The following PRKN variants were observed in gnomAD, a reference collection of about 807,000 sequenced individuals.
PRKN encodes parkin RBR E3 ubiquitin protein ligase, also known as E3 ubiquitin-protein ligase parkin.
Under a neutral mutation model 59.5 loss-of-function variants are expected in PRKN, and 56 were observed. The ratio of observed to expected loss-of-function variants is 0.94; its 90% CI spans 0.76 to 1.18. The LOEUF (loss-of-function observed/expected upper bound fraction) is 1.18. PRKN is among the 50% of genes most tolerant of loss of function. The pLI is 0.00. For synonymous variants in PRKN, 250 were observed against 222.1 expected, an observed-to-expected ratio of 1.13 and a Z score of -1.12; for missense variants, 657 against 596.4, an observed-to-expected ratio of 1.10 and a Z score of -1.06.
intron 1 of PRKN, among the ~76,000 whole-genome samples, chr6:162,692,697 G>A (rs1305123027): frequency 1.3e-5 from 2 of 152,126 alleles, no homozygotes; most frequent in African/African-American, 2.4e-5. Flanking sequence ...ACCAGGACAG[G>A]ACAACCAGAA....
intron 7 of PRKN, among the ~76,000 whole-genome samples, chr6:161,734,855 A>G (rs897595059): frequency 2.6e-5 from 4 of 152,264 alleles, no homozygotes; most frequent in African/African-American, 4.8e-5. Flanking sequence ...ATTTGCCTAT[A>G]TCACAATGAT....
In PRKN at chr6:161,440,196, G is replaced by A. The variant is rs1205485933; in HGVS notation, c.1084-53319C>T. Among the ~76,000 whole-genome samples the A allele has an allele frequency of 6.6e-6, 1 of 151,870 alleles. No individual in the cohort carries two copies. Among genetic ancestry groups the A allele is most frequent in the Non-Finnish European group, 1.5e-5 (1 of 67,986 alleles). ...TCTCCATCTCCTGACCTCGTGATCC[G>A]CCCGTCTCGGCCTCCCAAAGTGCTG... is the stretch of plus-strand genomic sequence containing the variant. On this transcript the variant is annotated intron_variant, in intron 9 of 11. Transcript: ENST00000366898. This position sits in a 1 kb window ranked among gnomAD's most constrained non-coding sequence, Gnocchi z 4.1.
rs1784436683 is a variant in PRKN, at chr6:161,349,427, T to G, written c.*672A>C. ...CAAATTAACTTTCATAATTTCTCAC[T>G]TTGTGACAAGTTGATTTACGCATAG... On this transcript the variant is annotated 3_prime_UTR_variant, in exon 12 of 12. Coordinates refer to ENST00000366898, the MANE Select transcript of PRKN (RefSeq NM_004562.3). This position sits in a 1 kb window ranked among gnomAD's most constrained non-coding sequence, Gnocchi z 5.5. The G allele has an allele frequency of 4.3e-6, 1 of 231,902 alleles. No homozygotes were observed. Among genetic ancestry groups the G allele is most frequent in the African/African-American group, 2.2e-5 (1 of 45,304 alleles). 14.4% of individuals were successfully genotyped at this position (231,902 alleles called of 1,614,324 possible).
chr6:161,922,223 A>C (rs1297243713), intron 6 of PRKN, among the ~76,000 whole-genome samples: 1 of 152,168 alleles, frequency 6.6e-6, no homozygotes, highest in African/African-American at 2.4e-5. Flanking sequence ...AGAAGGCCTC[A>C]CTTCTCTTCC....
rs1366239569 is a variant in PRKN, at chr6:161,388,529, G to A, written c.1084-1652C>T. 6.6e-6 allele frequency among the ~76,000 whole-genome samples: 1 copy of A among 152,182 alleles called. No individual in the cohort carries two copies. The highest frequency in any genetic ancestry group is 2.4e-5 in the African/African-American group (1 of 41,438). ...TCCACAAGTATGGTGTGTGGATGAT[G>A]GTGGTGGTCTTAGAGCATAGAGGCA... On this transcript the variant is annotated intron_variant, in intron 9 of 11. Coordinates refer to ENST00000366898, the MANE Select transcript of PRKN (RefSeq NM_004562.3). This position sits in a 1 kb window ranked among gnomAD's most constrained non-coding sequence, Gnocchi z 4.3.
intron 3 of PRKN, among the ~76,000 whole-genome samples, chr6:162,255,075 A>T (rs1018448375): frequency 6.9e-6 from 1 of 145,940 alleles, no homozygotes; most frequent in Non-Finnish European, 1.5e-5. Context: ...AGAGATTCAT[A>T]CAAAAATAAA....
At chr6:162,712,525 T>C (rs967579972) in intron 1 of PRKN, among the ~76,000 whole-genome samples, 1 of 152,204 alleles carries the variant, frequency 6.6e-6, no homozygotes, top group African/African-American at 2.4e-5. Flanking sequence ...GTAAATATCA[T>C]GACGCTTATA....
intron 1 of PRKN, among the ~76,000 whole-genome samples, chr6:162,455,226 C>T (rs1421198267): frequency 1.3e-5 from 2 of 152,140 alleles, no homozygotes. Flanking sequence ...CTTACCTAAC[C>T]ATCCATCTGT....
intron 6 of PRKN, among the ~76,000 whole-genome samples, chr6:161,879,722 T>C (rs1317903998): frequency 6.6e-6 from 1 of 152,214 alleles, no homozygotes; most frequent in East Asian, 1.9e-4. Context: ...TTTTTTAATG[T>C]TAGAAACTTG....
chr6:162,017,464 T>G (rs543380080), intron 5 of PRKN, among the ~76,000 whole-genome samples: 1 of 152,192 alleles, frequency 6.6e-6, no homozygotes, highest in Non-Finnish European at 1.5e-5. Flanking sequence ...ATTATGTTCA[T>G]GTCATAAATA....
At chr6:161,895,994 G>A (rs73785464) in intron 6 of PRKN, among the ~76,000 whole-genome samples, 2,713 of 152,230 alleles carry the variant, frequency 0.018, 86 homozygotes, top group African/African-American at 0.061. Flanking sequence ...AAGCTAAGGG[G>A]CTAGAGACCA....
chr6:162,403,391 C>T (rs188738322), intron 2 of PRKN, among the ~76,000 whole-genome samples: 176 of 152,240 alleles, frequency 1.2e-3, no homozygotes, highest in Non-Finnish European at 1.9e-3. Flanking sequence ...TCAAAGAGGT[C>T]GACCACTCCG....
intron 8 of PRKN, among the ~76,000 whole-genome samples, chr6:161,556,437 A>C (rs1277120083): frequency 6.6e-6 from 1 of 152,222 alleles, no homozygotes; most frequent in Non-Finnish European, 1.5e-5. Context: ...ATACTAAGGA[A>C]ATAATTTAGT....
chr6:161,550,170 G>A lies in PRKN; in HGVS notation c.934-1167C>T, dbSNP rs1398018268. Among the ~76,000 whole-genome samples, 12 of 152,206 alleles carry A rather than the reference G, an allele frequency of 7.9e-5. No homozygotes were observed. Among genetic ancestry groups the A allele is most frequent in the Admixed American group, 7.2e-4 (11 of 15,288 alleles). On this transcript the variant is annotated intron_variant, in intron 8 of 11. Coordinates refer to ENST00000366898, the MANE Select transcript of PRKN (RefSeq NM_004562.3). This position sits in a 1 kb window ranked among gnomAD's most constrained non-coding sequence, Gnocchi z 4.0. ...CCCCAGTGTGCTGATGTGGTTGGCT[G>A]TTCAGGGTACAACAAGGGGGGCAGT...
Position 162,196,751 on chromosome 6 carries a change from C to T in PRKN, c.534+4380G>A, listed in dbSNP as rs189072414. On this transcript the variant is annotated intron_variant, in intron 4 of 11. Coordinates refer to ENST00000366898, the MANE Select transcript of PRKN (RefSeq NM_004562.3). ...CAAAATTAACTATCCATTTCCTTTACAATTTGTTAGAGTATCATATTAAAT... is the reference window on the plus strand; with the variant it reads ...CAAAATTAACTATCCATTTCCTTTATAATTTGTTAGAGTATCATATTAAAT... 1.7e-3 allele frequency among the ~76,000 whole-genome samples: 258 copies of T among 152,266 alleles called. 1 individual carries two copies. The highest frequency in any genetic ancestry group is 5.7e-3 in the African/African-American group (238 of 41,556).
intron 7 of PRKN, among the ~76,000 whole-genome samples, chr6:161,617,381 C>A (rs1260656813): frequency 6.6e-6 from 1 of 152,198 alleles, no homozygotes; most frequent in Non-Finnish European, 1.5e-5. Flanking sequence ...CGATAAATTT[C>A]TTTAGGTGTG....
At chr6:162,202,456 ATT>A (rs1784771197) in intron 3 of PRKN, among the ~76,000 whole-genome samples, 1 of 152,144 alleles carries the variant, frequency 6.6e-6, no homozygotes, top group South Asian at 2.1e-4. Context: ...TGGTTTTATC[ATT>A]TGTTTGCAAT....
intron 5 of PRKN, among the ~76,000 whole-genome samples, chr6:162,027,679 C>G (rs759883718): frequency 1.3e-5 from 2 of 152,076 alleles, no homozygotes; most frequent in Admixed American, 1.3e-4. Flanking sequence ...AGTGATTATA[C>G]TCTGCAATGT....
intron 6 of PRKN, among the ~76,000 whole-genome samples, chr6:161,786,664 A>C (rs1035658005): frequency 2.6e-5 from 4 of 152,150 alleles, no homozygotes; most frequent in Non-Finnish European, 5.9e-5. Context: ...CCCCACTATC[A>C]AAAGAAAAAT....
Sources: gnomAD v4.1 joint callset for allele counts (sites outside exome capture counted in the v4.1 genomes callset) on GRCh38, gnomAD v4.1.1 for gene constraint, Gnocchi (gnomAD v3.1) non-coding constraint, MANE v1.5 for transcripts, NCBI Gene and HGNC (gene_info 2026-07-23, HGNC 2026-07-21) for gene names.